LMX1A: variants seen among roughly 807,000 people sequenced by gnomAD.
The protein encoded by LMX1A is LIM homeobox transcription factor 1-alpha.
Under a neutral mutation model 49.1 loss-of-function variants are expected in LMX1A, and 15 were observed. That is an observed-to-expected ratio of 0.31 (90% confidence interval 0.20 to 0.47). The LOEUF is 0.47. LMX1A is among the 20% of genes least tolerant of loss of function. LMX1A has a pLI of 1.00. For missense variants in LMX1A, 372 were observed against 475.8 expected, an observed-to-expected ratio of 0.78 and a Z score of 2.03; for synonymous variants, 167 against 185.7, an observed-to-expected ratio of 0.90 and a Z score of 0.82.
intron 3 of LMX1A, among the ~76,000 whole-genome samples, chr1:165,253,656 G>A (rs1190127214): frequency 1.3e-5 from 2 of 152,186 alleles, no homozygotes; most frequent in African/African-American, 4.8e-5. Flanking sequence ...CACCACACCA[G>A]TCCTCCTTGC....
At chr1:165,336,159 C>T (rs192366450) in intron 3 of LMX1A, among the ~76,000 whole-genome samples, 248 of 149,700 alleles carry the variant, frequency 1.7e-3, no homozygotes, top group Non-Finnish European at 2.6e-3. Context: ...CAGATGTTAA[C>T]GGAGCTGGGA....
At chr1:165,234,430 A>C (rs1292546465) in intron 4 of LMX1A, among the ~76,000 whole-genome samples, 1 of 152,234 alleles carries the variant, frequency 6.6e-6, no homozygotes, top group East Asian at 1.9e-4. Context: ...ATGATCTCAT[A>C]GCACTTTATA....
chr1:165,333,672 A>C (rs758567199), intron 3 of LMX1A, among the ~76,000 whole-genome samples: 5 of 152,148 alleles, frequency 3.3e-5, no homozygotes, highest in African/African-American at 1.2e-4. Flanking sequence ...TTTTATTTTT[A>C]TACATCTTCA....
intron 3 of LMX1A, among the ~76,000 whole-genome samples, chr1:165,304,382 A>G (rs764271996): frequency 2.6e-5 from 4 of 152,192 alleles, no homozygotes; most frequent in Non-Finnish European, 5.9e-5. Context: ...GGCTTCTCTC[A>G]ATTATTTATA....
intron 3 of LMX1A, among the ~76,000 whole-genome samples, chr1:165,266,931 CTCTCTCTCTTTCTT>C (rs1261370251): frequency 6.6e-6 from 1 of 152,050 alleles, no homozygotes; most frequent in African/African-American, 2.4e-5. Flanking sequence ...TGCTTTCTCT[CTCTCTCTCTTTCTT>C]TCTCTCTCTT....
At chr1:165,320,573 G>T (rs544243036) in intron 3 of LMX1A, among the ~76,000 whole-genome samples, 1 of 152,284 alleles carries the variant, frequency 6.6e-6, no homozygotes, top group African/African-American at 2.4e-5. Flanking sequence ...CTCTAGTAGG[G>T]GGCTCCACAG....
chr1:165,242,368 T>G (rs1652685949), intron 4 of LMX1A, among the ~76,000 whole-genome samples: 1 of 150,332 alleles, frequency 6.7e-6, no homozygotes, highest in Admixed American at 6.7e-5. Context: ...GCAGAGCACC[T>G]AAAAGAGCCT....
intron 3 of LMX1A, among the ~76,000 whole-genome samples, chr1:165,313,373 T>C (rs1259350956): frequency 6.6e-6 from 1 of 151,988 alleles, no homozygotes; most frequent in African/African-American, 2.4e-5. Context: ...CCTTACCTGA[T>C]ATTTCATTTA....
At chr1:165,219,972 T>A (rs986033676) in intron 4 of LMX1A, among the ~76,000 whole-genome samples, 2 of 152,128 alleles carry the variant, frequency 1.3e-5, no homozygotes, top group African/African-American at 2.4e-5. Flanking sequence ...TGAAAATGAA[T>A]GACACAAATG....
chr1:165,265,746 C>A (rs1302227433), intron 3 of LMX1A, among the ~76,000 whole-genome samples: 1 of 152,148 alleles, frequency 6.6e-6, no homozygotes, highest in African/African-American at 2.4e-5. Flanking sequence ...TACCTTAACT[C>A]CATGAAGAAA....
intron 3 of LMX1A, among the ~76,000 whole-genome samples, chr1:165,262,700 T>C (rs1175571189): frequency 2.0e-5 from 3 of 152,156 alleles, no homozygotes; most frequent in African/African-American, 7.2e-5. Flanking sequence ...ATATTCTCCC[T>C]CTTTGCAAAT....
chr1:165,285,556 C>T (rs1654280742), intron 3 of LMX1A, among the ~76,000 whole-genome samples: 1 of 152,204 alleles, frequency 6.6e-6, no homozygotes, highest in African/African-American at 2.4e-5. Flanking sequence ...AGCCTTCAAT[C>T]TCCAAGGTGA....
At chr1:165,293,671 C>T (rs1354187551) in intron 3 of LMX1A, among the ~76,000 whole-genome samples, 1 of 152,230 alleles carries the variant, frequency 6.6e-6, no homozygotes, top group African/African-American at 2.4e-5. Flanking sequence ...TCTCACAATT[C>T]TGGAGGCTGG....
intron 3 of LMX1A, among the ~76,000 whole-genome samples, chr1:165,335,481 TGAGA>T (rs1655870459): frequency 1.3e-5 from 2 of 152,236 alleles, no homozygotes; most frequent in African/African-American, 4.8e-5. Context: ...GCATACCTTC[TGAGA>T]GAAAGTGGGC....
intron 4 of LMX1A, among the ~76,000 whole-genome samples, chr1:165,238,936 A>ACGGAAATAATAACATTG (rs1165917061): frequency 6.6e-6 from 1 of 152,212 alleles, no homozygotes; most frequent in Non-Finnish European, 1.5e-5. Flanking sequence ...CCTCTGTAGA[A>ACGGAAATAATAACATTG]CGGAAATAAT....
chr1:165,234,078 T>G (rs1190422785), intron 4 of LMX1A, among the ~76,000 whole-genome samples: 1 of 152,178 alleles, frequency 6.6e-6, no homozygotes, highest in East Asian at 1.9e-4. Context: ...TGATCTGACT[T>G]TCCACAACCA....
chr1:165,203,836 G>T lies in LMX1A; in HGVS notation c.*44C>A, dbSNP rs1650949525. On this transcript the variant is annotated 3_prime_UTR_variant, in exon 9 of 9. Coordinates refer to ENST00000342310, the MANE Select transcript of LMX1A (RefSeq NM_177398.4). ...AGCCAGTGACCCCTCAAAGAATATG[G>T]TTGTTCCATATGGGAGCCTAGTCAC... The T allele has an allele frequency of 1.4e-5, 22 of 1,600,682 alleles. No individual in the cohort carries two copies. Among genetic ancestry groups the T allele is most frequent in the Non-Finnish European group, 1.9e-5 (22 of 1,168,682 alleles).
At chr1:165,286,984 A>G (rs890032489) in intron 3 of LMX1A, among the ~76,000 whole-genome samples, 1 of 152,184 alleles carries the variant, frequency 6.6e-6, no homozygotes, top group Non-Finnish European at 1.5e-5. Context: ...GCCCCCTCTC[A>G]CCGCCTAGTC....
At chr1:165,221,907 C>T (rs1437271874) in intron 4 of LMX1A, among the ~76,000 whole-genome samples, 1 of 77,442 alleles carries the variant, frequency 1.3e-5, no homozygotes, top group Non-Finnish European at 2.6e-5. Flanking sequence ...TGTCTCCACT[C>T]TACACACACA....
Sources: gnomAD v4.1 joint callset for allele counts (sites outside exome capture counted in the v4.1 genomes callset) on GRCh38, gnomAD v4.1.1 for gene constraint, MANE v1.5 for transcripts, NCBI Gene and HGNC (gene_info 2026-07-23, HGNC 2026-07-21) for gene names.